PCDHGB3: variants seen among roughly 807,000 people sequenced by gnomAD.
The protein encoded by PCDHGB3 is protocadherin gamma subfamily B, 3.
A neutral mutation model predicts 59.2 loss-of-function variants in PCDHGB3; 40 were observed. The ratio of observed to expected loss-of-function variants is 0.68; its 90% CI spans 0.52 to 0.88. The LOEUF (loss-of-function observed/expected upper bound fraction) is 0.88. Among genes scored for constraint, PCDHGB3 ranks in the 40% least tolerant of loss-of-function variants. The probability of loss-of-function intolerance (pLI) is 0.00; values close to 1 mark genes in which losing one functional copy is unlikely to be tolerated. For synonymous variants in PCDHGB3, 581 were observed against 503.6 expected (o/e 1.15, Z -2.06); for missense variants, 1,309 against 1,187.9 (o/e 1.10, Z -1.50).
At chr5:141,376,267 G>A (rs1021502624) in intron 1 of PCDHGB3, 6 of 1,614,210 alleles carry the variant, frequency 3.7e-6, no homozygotes, top group Non-Finnish European at 5.1e-6. Context: ...TGCAGGCTTC[G>A]GGAGGTGGCT....
intron 1 of PCDHGB3, 143 bp from the exon 2 acceptor site, chr5:141,494,664 A>T: frequency 6.7e-7 from 1 of 1,500,298 alleles, no homozygotes; most frequent in Non-Finnish European, 8.9e-7. Flanking sequence ...GTCTTTGGAG[A>T]TGAGTCCACC....
At chr5:141,426,013 T>C (rs2096909409) in intron 1 of PCDHGB3, among the ~76,000 whole-genome samples, 1 of 152,144 alleles carries the variant, frequency 6.6e-6, no homozygotes, top group Admixed American at 6.5e-5. Flanking sequence ...CCGGCTGCAG[T>C]TTTCTAAATA....
chr5:141,419,656 G>C lies in PCDHGB3; in HGVS notation c.2415+46847G>C. The C allele has an allele frequency of 1.9e-6, 3 of 1,612,648 alleles. No homozygotes were observed. The East Asian group carries it at 6.7e-5, about 36-fold the overall frequency. ...TGGTGGCCGTGGACGCGGACTCGGGGCACAATGCCTGGCTGTCCTACCACG... is the reference window on the plus strand; with the variant it reads ...TGGTGGCCGTGGACGCGGACTCGGGCCACAATGCCTGGCTGTCCTACCACG... On this transcript the variant is annotated intron_variant, in intron 1 of 3. Transcript: ENST00000576222.
At chr5:141,443,312 C>T (rs1296976995) in intron 1 of PCDHGB3, among the ~76,000 whole-genome samples, 2 of 115,698 alleles carry the variant, frequency 1.7e-5, no homozygotes, top group Non-Finnish European at 3.3e-5. Flanking sequence ...AAAAACCCAT[C>T]TCTACAAAAA....
At chr5:141,398,392 A>T in intron 1 of PCDHGB3, 1 of 1,456,390 alleles carries the variant, frequency 6.9e-7, no homozygotes, top group Non-Finnish European at 9.5e-7. Context: ...TGTGAGCAGC[A>T]GGCTAGACAG....
At chr5:141,501,329 ACACAC>A (rs1562200854) in intron 2 of PCDHGB3, among the ~76,000 whole-genome samples, 2 of 148,226 alleles carry the variant, frequency 1.3e-5, no homozygotes, top group Non-Finnish European at 3.0e-5. Flanking sequence ...ACACACACAC[ACACAC>A]CCCAAACTCA....
intron 1 of PCDHGB3, chr5:141,421,722 G>C: frequency 6.2e-7 from 1 of 1,613,972 alleles, no homozygotes; most frequent in Non-Finnish European, 8.5e-7. Flanking sequence ...ATGTGGGCGT[G>C]AACTCCCTCC....
In PCDHGB3 at chr5:141,409,393, T is replaced by C. The variant is rs539937433; in HGVS notation, c.2415+36584T>C. 4.8e-5 allele frequency: 77 copies of C among 1,614,062 alleles called. 1 individual carries two copies. In the East Asian group the frequency reaches 1.7e-3, roughly 35 times the overall value. On this transcript the variant is annotated intron_variant, in intron 1 of 3. Coordinates refer to ENST00000576222, the MANE Select transcript of PCDHGB3 (RefSeq NM_018924.5). ...ACATTCCATTCAAGATTTATTCTTC[T>C]TCCAATAACTACTACAAACTGGTGA...
chr5:141,490,004 C>A lies in PCDHGB3; in HGVS notation c.2416-4803C>A. The A allele has an allele frequency of 6.2e-7, 1 of 1,614,174 alleles. No homozygotes were observed. The highest frequency in any genetic ancestry group is 1.7e-5 in the Admixed American group (1 of 60,034). On this transcript the variant is annotated intron_variant, in intron 1 of 3. Transcript: ENST00000576222. The surrounding 1 kb of genome is among the most constrained non-coding windows in gnomAD (Gnocchi z 5.4). ...CTACGTGTGGGAATCCCAGAGAATGCACCCATTGGTACTCTGCTGCTCCGC... is the reference window on the plus strand; with the variant it reads ...CTACGTGTGGGAATCCCAGAGAATGAACCCATTGGTACTCTGCTGCTCCGC...
In PCDHGB3 at chr5:141,409,580, C is replaced by T. The variant is rs969743613; in HGVS notation, c.2415+36771C>T. The T allele has an allele frequency of 3.7e-6, 6 of 1,613,922 alleles. No homozygotes were observed. The Admixed American group carries it at 8.3e-5, about 22-fold the overall frequency. The stretch of plus-strand genomic sequence containing the variant: ...TTTCGACCAGACGTCCTACGTGGTC[C>T]ACGTGGCCGAGAACAACCCGCCAGG... On this transcript the variant is annotated intron_variant, in intron 1 of 3. Transcript: ENST00000576222.
chr5:141,421,640 A>T (rs367946949), intron 1 of PCDHGB3: 1 of 1,613,716 alleles, frequency 6.2e-7, no homozygotes, highest in Non-Finnish European at 8.5e-7. Context: ...CAGGAGGACG[A>T]AGTGGAGATA....
At chr5:141,418,922 C>A in intron 1 of PCDHGB3, 1 of 1,613,994 alleles carries the variant, frequency 6.2e-7, no homozygotes, top group Non-Finnish European at 8.5e-7. Context: ...ACTCTCTGAT[C>A]AGATTATGGA....
intron 1 of PCDHGB3, chr5:141,408,465 A>C: frequency 6.2e-7 from 1 of 1,613,960 alleles, no homozygotes. Context: ...CTTGTGAAGA[A>C]CCGAATAGAC....
chr5:141,415,533 G>A (rs749139053), intron 1 of PCDHGB3: 11 of 1,614,198 alleles, frequency 6.8e-6, no homozygotes, highest in Non-Finnish European at 6.8e-6. Flanking sequence ...TCATCAGCCA[G>A]GAGAGCTGTG....
intron 1 of PCDHGB3, among the ~76,000 whole-genome samples, chr5:141,436,531 G>T (rs1365651055): frequency 6.6e-6 from 1 of 152,152 alleles, no homozygotes; most frequent in African/African-American, 2.4e-5. Context: ...CCTTTAGCAA[G>T]TTATTTAATC....
Position 141,432,044 on chromosome 5 carries a change from A to T in PCDHGB3, c.2415+59235A>T. 6.2e-7 allele frequency: 1 copy of T among 1,613,886 alleles called. No individual in the cohort carries two copies. Among genetic ancestry groups the T allele is most frequent in the Non-Finnish European group, 8.5e-7 (1 of 1,179,922 alleles). ...CACAGTGACCGCCACTGACCGGGGA[A>T]CCCCGCCCCTATCCACGGAAACTCA... On this transcript the variant is annotated intron_variant, in intron 1 of 3. Coordinates refer to ENST00000576222, the MANE Select transcript of PCDHGB3 (RefSeq NM_018924.5). This position sits in a 1 kb window ranked among gnomAD's most constrained non-coding sequence, Gnocchi z 6.0.
In PCDHGB3 at chr5:141,487,135, A is replaced by T; in HGVS notation, c.2416-7672A>T. 6.2e-7 allele frequency: 1 copy of T among 1,613,544 alleles called. No individual in the cohort carries two copies. The highest frequency in any genetic ancestry group is 8.5e-7 in the Non-Finnish European group (1 of 1,179,856). ...TGGTAAAGGATAGTGGTAGTCCACC[A>T]CTCTCTACCTCTGTTACTCTCTTAG... On this transcript the variant is annotated intron_variant, in intron 1 of 3. Transcript: ENST00000576222. The surrounding 1 kb of genome is among the most constrained non-coding windows in gnomAD (Gnocchi z 5.0).
intron 1 of PCDHGB3, among the ~76,000 whole-genome samples, chr5:141,457,822 C>A (rs1477393535): frequency 6.6e-6 from 1 of 152,178 alleles, no homozygotes; most frequent in Non-Finnish European, 1.5e-5. Context: ...AAGATAAACT[C>A]AGAGCTTCCA....
At chr5:141,408,280 C>T in intron 1 of PCDHGB3, 1 of 1,612,648 alleles carries the variant, frequency 6.2e-7, no homozygotes, top group Non-Finnish European at 8.5e-7. Flanking sequence ...CTTTGTTCTA[C>T]CCCACCCTGA....
Sources: gnomAD v4.1 joint callset for allele counts (sites outside exome capture counted in the v4.1 genomes callset) on GRCh38, gnomAD v4.1.1 for gene constraint, Gnocchi (gnomAD v3.1) non-coding constraint, MANE v1.5 for transcripts, NCBI Gene and HGNC (gene_info 2026-07-23, HGNC 2026-07-21) for gene names.